KCNJ6: variants seen among roughly 807,000 people sequenced by gnomAD.
The protein encoded by KCNJ6 is potassium inwardly rectifying channel subfamily J member 6.
KCNJ6 carries 9 observed loss-of-function variants against 34.2 expected under a neutral mutation model. That is an observed-to-expected ratio of 0.26 (90% CI 0.16 to 0.46). The LOEUF (loss-of-function observed/expected upper bound fraction) is 0.46. Ranked by LOEUF, KCNJ6 falls within the 20% of genes least tolerant of loss-of-function variation. The pLI is 1.00. For missense variants in KCNJ6, 236 were observed against 531.3 expected (o/e 0.44, Z 5.46); for synonymous variants, 196 against 207.1 (o/e 0.95, Z 0.46).
At chr21:37,731,117 G>GTGTA (rs1556026764) in intron 2 of KCNJ6, among the ~76,000 whole-genome samples, 55 of 151,862 alleles carry the variant, frequency 3.6e-4, no homozygotes, top group East Asian at 7.8e-4. Flanking sequence ...GTGTGTGTGT[G>GTGTA]TGTGTGTGTG....
intron 2 of KCNJ6, among the ~76,000 whole-genome samples, chr21:37,734,165 C>A (rs1011349591): frequency 6.6e-6 from 1 of 152,074 alleles, no homozygotes; most frequent in Non-Finnish European, 1.5e-5. Context: ...GGGCTCCTAC[C>A]TTTCTATTGT....
In KCNJ6 at chr21:37,661,614, GTTTTTTTTTTT is replaced by G. The variant is rs59026391; in HGVS notation, c.947-36141_947-36131del. Among the ~76,000 whole-genome samples the G allele has an allele frequency of 3.8e-4, 27 of 71,172 alleles. 1 individual carries two copies. The highest frequency in any genetic ancestry group is 4.6e-4 in the East Asian group (1 of 2,174). The allele number at this position is 71,172 out of a possible 152,430, so 46.7% of individuals were successfully genotyped here. The stretch of plus-strand genomic sequence containing the variant: ...TCCACCCATTTCCTTAAGAGACATA[GTTTTTTTTTTT>G]TTTTTTTTTTTTTTTGAGACTGGAG... On this transcript the variant is annotated intron_variant, in intron 3 of 3. Coordinates refer to ENST00000609713, the MANE Select transcript of KCNJ6 (RefSeq NM_002240.5).
At chr21:37,810,136 C>T (rs541310059) in intron 2 of KCNJ6, among the ~76,000 whole-genome samples, 14 of 152,304 alleles carry the variant, frequency 9.2e-5, no homozygotes, top group African/African-American at 3.4e-4. Flanking sequence ...CATGCACACA[C>T]ACACACAAAC....
intron 3 of KCNJ6, among the ~76,000 whole-genome samples, chr21:37,709,498 G>C (rs190254063): frequency 9.8e-4 from 144 of 146,908 alleles, no homozygotes; most frequent in African/African-American, 3.2e-3. Context: ...TGGGCAACGA[G>C]AGCAAAACCC....
intron 1 of KCNJ6, among the ~76,000 whole-genome samples, chr21:37,906,898 G>A (rs1052085172): frequency 1.3e-5 from 2 of 152,208 alleles, no homozygotes; most frequent in Admixed American, 1.3e-4. Flanking sequence ...AAATTTAAGA[G>A]GGTGAATATG....
intron 3 of KCNJ6, among the ~76,000 whole-genome samples, chr21:37,648,318 A>G (rs11909282): frequency 0.026 from 3,891 of 152,114 alleles, 119 homozygotes; most frequent in African/African-American, 0.07. Flanking sequence ...TGTCACTCAA[A>G]CCTTCATGAA....
intron 3 of KCNJ6, among the ~76,000 whole-genome samples, chr21:37,692,616 A>G (rs763057841): frequency 1.8e-4 from 28 of 152,310 alleles, no homozygotes; most frequent in South Asian, 4.1e-4. Context: ...TTGGGGCCCA[A>G]TGGTTGGGGC....
intron 2 of KCNJ6, among the ~76,000 whole-genome samples, chr21:37,784,643 G>A (rs1166011822): frequency 6.6e-6 from 1 of 152,120 alleles, no homozygotes; most frequent in East Asian, 1.9e-4. Flanking sequence ...CTGAGTCGAA[G>A]TGAATGTCCC....
At chr21:37,860,907 G>A (rs1198636614) in intron 1 of KCNJ6, among the ~76,000 whole-genome samples, 1 of 69,962 alleles carries the variant, frequency 1.4e-5, no homozygotes, top group Admixed American at 1.1e-4. Context: ...TCTGGGGTTA[G>A]ACTCTCAGAG....
intron 2 of KCNJ6, among the ~76,000 whole-genome samples, chr21:37,792,155 G>T (rs943767756): frequency 2.0e-5 from 3 of 152,220 alleles, no homozygotes; most frequent in Admixed American, 1.3e-4. Flanking sequence ...GAGAAAGAAA[G>T]TGAAGAAATA....
intron 2 of KCNJ6, among the ~76,000 whole-genome samples, chr21:37,791,759 GA>G (rs1260547390): frequency 6.6e-6 from 1 of 151,814 alleles, no homozygotes; most frequent in East Asian, 1.9e-4. Flanking sequence ...GGCAAAGATT[GA>G]TTTTTTTTTT....
At chr21:37,881,126 A>G (rs2055705588) in intron 1 of KCNJ6, among the ~76,000 whole-genome samples, 3 of 152,128 alleles carry the variant, frequency 2.0e-5, no homozygotes, top group African/African-American at 7.2e-5. Context: ...GGGGTTCACT[A>G]AATATTTATT....
At chr21:37,905,844 T>C (rs2055839083) in intron 1 of KCNJ6, among the ~76,000 whole-genome samples, 1 of 152,236 alleles carries the variant, frequency 6.6e-6, no homozygotes, top group Non-Finnish European at 1.5e-5. Context: ...CCCAAGAAGC[T>C]AAGACAATTC....
intron 1 of KCNJ6, among the ~76,000 whole-genome samples, chr21:37,912,934 T>G (rs2055873743): frequency 6.6e-6 from 1 of 152,226 alleles, no homozygotes; most frequent in Non-Finnish European, 1.5e-5. Flanking sequence ...CAAGACCTCA[T>G]GCACAAGTGC....
intron 3 of KCNJ6, among the ~76,000 whole-genome samples, chr21:37,681,515 T>C (rs1709811): frequency 0.97 from 148,413 of 152,276 alleles, 72,355 homozygotes; most frequent in East Asian, 1. Flanking sequence ...TGTCCTGGGC[T>C]GAACATAAAC....
Position 37,625,115 on chromosome 21 carries a change from G to T in KCNJ6, c.*44C>A, listed in dbSNP as rs1455741671. 1 of 1,308,510 alleles carries T rather than the reference G, an allele frequency of 7.6e-7. No individual in the cohort carries two copies. The highest frequency in any genetic ancestry group is 1.1e-6 in the Non-Finnish European group (1 of 920,300). 81.1% of individuals were successfully genotyped at this position (1,308,510 alleles called of 1,614,324 possible). A position where few individuals can be genotyped will look rare whatever the true frequency, so the allele number is the denominator to read the frequency against. ...AGAAAGAGAATGAGAGACAAGGAAAGATTGTGTTGGGGGGAGAAGAGAAGG... is the reference window on the plus strand; with the variant it reads ...AGAAAGAGAATGAGAGACAAGGAAATATTGTGTTGGGGGGAGAAGAGAAGG... On this transcript the variant is annotated 3_prime_UTR_variant, in exon 4 of 4. Transcript: ENST00000609713.
At chr21:37,886,478 CT>C (rs1244096780) in intron 1 of KCNJ6, among the ~76,000 whole-genome samples, 2 of 152,138 alleles carry the variant, frequency 1.3e-5, no homozygotes, top group African/African-American at 4.8e-5. Context: ...TTCCAAGCTC[CT>C]TAAAGAATCT....
intron 2 of KCNJ6, among the ~76,000 whole-genome samples, chr21:37,762,448 AG>A (rs1246680444): frequency 6.6e-6 from 1 of 152,052 alleles, no homozygotes; most frequent in African/African-American, 2.4e-5. Context: ...CTTGAGGCCA[AG>A]GCTGATGGGC....
chr21:37,830,400 A>G (rs1321533944), intron 2 of KCNJ6, among the ~76,000 whole-genome samples: 1 of 152,100 alleles, frequency 6.6e-6, no homozygotes, highest in Non-Finnish European at 1.5e-5. Flanking sequence ...GGTTTCATCT[A>G]CAGCATTGAT....
Sources: gnomAD v4.1 joint callset for allele counts (sites outside exome capture counted in the v4.1 genomes callset) on GRCh38, gnomAD v4.1.1 for gene constraint, MANE v1.5 for transcripts, NCBI Gene and HGNC (gene_info 2026-07-23, HGNC 2026-07-21) for gene names.